Variants in SYNE1 observed in about 807,000 individuals in gnomAD.
SYNE1 encodes nesprin-1.
In SYNE1, 616 loss-of-function variants were observed where a neutral mutation model predicts 1,111.0. That is an observed-to-expected ratio of 0.55 (90% CI 0.52 to 0.59). The LOEUF (loss-of-function observed/expected upper bound fraction) is 0.59, where lower values mean the gene tolerates loss of function less well. Among genes scored for constraint, SYNE1 ranks in the 20% least tolerant of loss-of-function variants. The pLI is 0.00. For missense variants in SYNE1, 10,006 were observed against 10,417.0 expected, an observed-to-expected ratio of 0.96 and a Z score of 1.72; for synonymous variants, 3,855 against 3,825.8, an observed-to-expected ratio of 1.01 and a Z score of -0.28.
In SYNE1 at chr6:152,354,855, T is replaced by G. The variant is rs757925072; in HGVS notation, c.10730A>C (p.Gln3577Pro). 1.2e-6 allele frequency: 2 copies of G among 1,614,174 alleles called. No individual in the cohort carries two copies. Among genetic ancestry groups the G allele is most frequent in the South Asian group, 1.1e-5 (1 of 91,080 alleles). The change falls in exon 67 of 146, where the codon CAA (glutamine) becomes CCA (proline). Residue 3577 changes from glutamine (Q) to proline (P), a missense_variant. By Grantham distance (76) the Gln-to-Pro change is moderately conservative. This residue lies in a region of SYNE1 where 4,955 missense variants were observed against 5,017.2 expected (regional missense o/e 0.99). Coordinates refer to ENST00000367255, the MANE Select transcript of SYNE1 (RefSeq NM_182961.4). ...CCTGTGCTGGTAAGCCTGCCAGTCT[T>G]GCCGGAGAGACTCTAAAGCCCGGTC... is the stretch of plus-strand genomic sequence containing the variant. Reference protein sequence around the residue: ...AEDRALESLRQDWQAYQHRLS... With the variant: ...AEDRALESLRPDWQAYQHRLS...
intron 145 of SYNE1, among the ~76,000 whole-genome samples, chr6:152,123,823 G>C (rs1188646822): frequency 6.6e-6 from 1 of 152,190 alleles, no homozygotes; most frequent in Non-Finnish European, 1.5e-5. Context: ...GCGTGTGAAA[G>C]CTGTATTGGT....
chr6:152,255,839 T>C, intron 102 of SYNE1, 93 bp from the exon 103 acceptor site: 1 of 1,418,658 alleles, frequency 7.0e-7, no homozygotes, highest in Non-Finnish European at 9.9e-7. Context: ...TGCTCACACC[T>C]GTAATCTGAG....
At chr6:152,559,666 CCTA>C (rs2099388357) in intron 3 of SYNE1, among the ~76,000 whole-genome samples, 1 of 151,838 alleles carries the variant, frequency 6.6e-6, no homozygotes. Context: ...GTAATAAATG[CCTA>C]CATTTTTAAA....
intron 32 of SYNE1, among the ~76,000 whole-genome samples, chr6:152,439,404 T>G (rs893953890): frequency 2.6e-5 from 4 of 152,178 alleles, no homozygotes; most frequent in Non-Finnish European, 4.4e-5. Flanking sequence ...TTTATTTATT[T>G]TTTAAAATAG....
chr6:152,425,414 C>T lies in SYNE1; in HGVS notation c.5234G>A (p.Arg1745Lys), dbSNP rs1451493768. ...AATGATCTGTGGTAAATCTCTCCAT[C>T]TCTCATCCAACTGCTCCAAATGTAG... The part of the protein sequence containing the change: ...MKLHLEQLDE[R>K]WRDLPQIINK... Residue 1745 changes from arginine to lysine, a missense_variant, in exon 39 of 146, where the codon AGA (arginine) becomes AAA (lysine). Physicochemically the swap from Arg to Lys is conservative, Grantham distance 26. Around this residue, in one of 7 missense-constraint regions of SYNE1, gnomAD observed 1,971 missense variants for 2,084.1 expected, o/e 0.95. Transcript: ENST00000367255. The T allele has an allele frequency of 1.2e-6, 2 of 1,614,060 alleles. No individual in the cohort carries two copies. The highest frequency in any genetic ancestry group is 1.7e-6 in the Non-Finnish European group (2 of 1,180,010).
intron 127 of SYNE1, 136 bp from the exon 128 acceptor site, chr6:152,189,543 C>T: frequency 1.3e-6 from 1 of 771,324 alleles, no homozygotes; most frequent in South Asian, 1.7e-5. Flanking sequence ...TCTAGAGGCA[C>T]ATCATGGCAA....
rs151250605 is a variant in SYNE1, at chr6:152,530,612, A to AGTGTGATG, written c.130-4445_130-4438dup. 7.9e-3 allele frequency among the ~76,000 whole-genome samples: 1,179 copies of AGTGTGATG among 150,138 alleles called. 23 individuals are homozygous for AGTGTGATG. The highest frequency in any genetic ancestry group is 0.027 in the African/African-American group (1,125 of 41,140). On this transcript the variant is annotated intron_variant, in intron 4 of 145. Transcript: ENST00000367255. ...TTTTAAATTGCACACTGTTCTGCAT[A>AGTGTGATG]GTGTGATGAAATTTTTTTTTTTTTT...
chr6:152,202,371 CA>C (rs11350427), intron 126 of SYNE1, among the ~76,000 whole-genome samples: 60,786 of 111,122 alleles, frequency 0.55, 14,929 homozygotes, highest in African/African-American at 0.63. Flanking sequence ...AAAAAAAAAG[CA>C]AAAAAAAAAA....
At chr6:152,194,051 C>A (rs2073409934) in intron 127 of SYNE1, among the ~76,000 whole-genome samples, 1 of 151,236 alleles carries the variant, frequency 6.6e-6, no homozygotes, top group African/African-American at 2.4e-5. Flanking sequence ...AACACAATTG[C>A]AATGTTATAA....
intron 4 of SYNE1, among the ~76,000 whole-genome samples, chr6:152,538,852 C>T (rs978789551): frequency 1.3e-5 from 2 of 152,072 alleles, no homozygotes; most frequent in Admixed American, 6.6e-5. Context: ...CTGGTTTATC[C>T]TATATCTAGA....
chr6:152,609,992 T>A (rs1313796681), intron 3 of SYNE1, among the ~76,000 whole-genome samples: 4 of 152,158 alleles, frequency 2.6e-5, no homozygotes, highest in Non-Finnish European at 5.9e-5. Flanking sequence ...CATCTGTAGG[T>A]CACCAACATC....
In SYNE1 at chr6:152,419,701, C is replaced by A; in HGVS notation, c.5289G>T (p.Val1763=). ...INKRINFLQS[V]VAEHQQFDEL... is the part of the protein sequence containing the mutation. Reference sequence around the variant, plus strand: ...CATCAAATTGCTGGTGTTCAGCAACCACAGACTGAAGAAAATTAATCCTAT... The same window carrying A: ...CATCAAATTGCTGGTGTTCAGCAACAACAGACTGAAGAAAATTAATCCTAT... Residue 1763 remains valine (V), a synonymous_variant, in exon 40 of 146, where the codon GTG becomes GTT. Coordinates refer to ENST00000367255, the MANE Select transcript of SYNE1 (RefSeq NM_182961.4). 1 of 1,613,976 alleles carries A rather than the reference C, an allele frequency of 6.2e-7. No individual in the cohort carries two copies. Among genetic ancestry groups the A allele is most frequent in the Non-Finnish European group, 8.5e-7 (1 of 1,179,952 alleles).
At chr6:152,366,544 A>G (rs1023699404) in intron 62 of SYNE1, among the ~76,000 whole-genome samples, 6 of 152,078 alleles carry the variant, frequency 3.9e-5, no homozygotes, top group African/African-American at 1.4e-4. Flanking sequence ...CGGGTTACCT[A>G]TCACACTTCC....
At chr6:152,354,397 A>G (rs2154050049) in intron 67 of SYNE1, among the ~76,000 whole-genome samples, 1 of 152,324 alleles carries the variant, frequency 6.6e-6, no homozygotes, top group South Asian at 2.1e-4. Context: ...ACAAGCATTC[A>G]TGTATCTTCA....
chr6:152,427,737 A>G lies in SYNE1; in HGVS notation c.5056T>C (p.Ser1686Pro), dbSNP rs1364310674. The change falls in exon 38 of 146, where the codon TCT (serine) becomes CCT (proline). Residue 1686 changes from serine (S) to proline (P), a missense_variant. Physicochemically the swap from Ser to Pro is moderately conservative, Grantham distance 74. Coordinates refer to ENST00000367255, the MANE Select transcript of SYNE1 (RefSeq NM_182961.4). Reference sequence around the variant, plus strand: ...CCTTCCACTTTGACTCTGTCTGCAGAAATGTCCATTTCTGGGGAACTGGCT... The same window carrying G: ...CCTTCCACTTTGACTCTGTCTGCAGGAATGTCCATTTCTGGGGAACTGGCT... ...AKASSPEMDI[S>P]ADRVKVEGEL... The G allele has an allele frequency of 9.9e-6, 16 of 1,614,046 alleles. No homozygotes were observed. Among genetic ancestry groups the G allele is most frequent in the South Asian group, 1.1e-5 (1 of 91,090 alleles).
chr6:152,154,486 T>A (rs1442696356), intron 133 of SYNE1, among the ~76,000 whole-genome samples: 1 of 128,618 alleles, frequency 7.8e-6, no homozygotes, highest in African/African-American at 3.3e-5. Context: ...ACACACACAC[T>A]GCGATTAGGT....
At chr6:152,472,240 T>A in intron 15 of SYNE1, 61 bp downstream of exon 15, 1 of 1,383,526 alleles carries the variant, frequency 7.2e-7, no homozygotes, top group Non-Finnish European at 1.0e-6. Flanking sequence ...AAAAGAAATA[T>A]AAAAAGCGTC....
At chr6:152,602,396 C>T (rs2099598346) in intron 3 of SYNE1, among the ~76,000 whole-genome samples, 1 of 152,094 alleles carries the variant, frequency 6.6e-6, no homozygotes, top group Non-Finnish European at 1.5e-5. Flanking sequence ...TGGAACAGAT[C>T]CTTCCCTCCC....
At chr6:152,629,637 C>T (rs369162164) in intron 2 of SYNE1, among the ~76,000 whole-genome samples, 12 of 150,766 alleles carry the variant, frequency 8.0e-5, no homozygotes, top group African/African-American at 2.9e-4. Flanking sequence ...TAAGAATTTC[C>T]TAACCCTAGG....
Sources: gnomAD v4.1 joint callset for allele counts (sites outside exome capture counted in the v4.1 genomes callset) on GRCh38, gnomAD v4.1.1 for gene constraint, gnomAD v4.1.1 regional missense constraint, MANE v1.5 for transcripts, NCBI Gene and HGNC (gene_info 2026-07-23, HGNC 2026-07-21) for gene names.